Variants in NOVA1 observed in about 807,000 individuals in gnomAD.
The protein encoded by NOVA1 is NOVA alternative splicing regulator 1.
A neutral mutation model predicts 38.0 loss-of-function variants in NOVA1; 7 were observed. The ratio of observed to expected loss-of-function variants is 0.18; its 90% confidence interval spans 0.10 to 0.35. NOVA1 has a LOEUF of 0.35. Among genes scored for constraint, NOVA1 ranks in the 10% least tolerant of loss-of-function variants. The pLI, the probability that NOVA1 is intolerant of heterozygous loss-of-function variation, is 1.00. For synonymous variants in NOVA1, 270 were observed against 232.5 expected (o/e 1.16, Z -1.47); for missense variants, 460 against 616.0 (o/e 0.75, Z 2.68).
At chr14:26,521,130 T>G (rs1474838290) in intron 2 of NOVA1, among the ~76,000 whole-genome samples, 27 of 151,936 alleles carry the variant, frequency 1.8e-4, no homozygotes, top group Non-Finnish European at 1.5e-5. Context: ...AATTTGAAAA[T>G]CAATGCTCAT....
At chr14:26,536,007 T>C (rs1269154869) in intron 2 of NOVA1, among the ~76,000 whole-genome samples, 1 of 150,994 alleles carries the variant, frequency 6.6e-6, no homozygotes, top group Non-Finnish European at 1.5e-5. Flanking sequence ...GTGGTACATA[T>C]ACACAATGGA....
At chr14:26,532,985 T>C (rs771440112) in intron 2 of NOVA1, among the ~76,000 whole-genome samples, 8 of 152,224 alleles carry the variant, frequency 5.3e-5, no homozygotes, top group Non-Finnish European at 7.4e-5. Context: ...ATATTGTCTA[T>C]AATAGATAAC....
Position 26,560,590 on chromosome 14 carries a change from G to A in NOVA1, c.280+34820C>T, listed in dbSNP as rs59669834. On this transcript the variant is annotated intron_variant, in intron 2 of 4. Coordinates refer to ENST00000539517, the MANE Select transcript of NOVA1 (RefSeq NM_002515.3). ...TTGTATAAAATTCTATTAGCCTAAC[G>A]TGGTAGTTGTAAGGACAGACTTTGG... 9.8e-3 allele frequency among the ~76,000 whole-genome samples: 1,493 copies of A among 152,186 alleles called. 18 individuals are homozygous for A. The highest frequency in any genetic ancestry group is 0.033 in the African/African-American group (1,358 of 41,540).
intron 2 of NOVA1, among the ~76,000 whole-genome samples, chr14:26,563,764 G>A (rs1385414507): frequency 1.3e-5 from 2 of 152,024 alleles, no homozygotes; most frequent in Non-Finnish European, 1.5e-5. Context: ...GCAAGCATTG[G>A]ATTCAGGAAA....
At chr14:26,474,388 T>G (rs541358572) in intron 3 of NOVA1, among the ~76,000 whole-genome samples, 1 of 152,058 alleles carries the variant, frequency 6.6e-6, no homozygotes, top group Non-Finnish European at 1.5e-5. Flanking sequence ...AAGAACCATG[T>G]AGAAAAAGTT....
At chr14:26,451,616 G>A (rs979043827) in intron 4 of NOVA1, among the ~76,000 whole-genome samples, 3 of 152,012 alleles carry the variant, frequency 2.0e-5, no homozygotes, top group Admixed American at 2.0e-4. Flanking sequence ...CAGGTGATCC[G>A]CCTGCCTCGG....
At chr14:26,499,620 T>C (rs574183013) in intron 2 of NOVA1, among the ~76,000 whole-genome samples, 33 of 152,202 alleles carry the variant, frequency 2.2e-4, no homozygotes, top group African/African-American at 7.7e-4. Context: ...AAAATATATA[T>C]GGACTTTAAG....
rs1594371783 is a variant in NOVA1 at position 26,481,519 on chromosome 14, A to T, written c.281-1376T>A. On this transcript the variant is annotated intron_variant, in intron 2 of 4. Transcript: ENST00000539517. ...GGAATTAGAAGCAGAAATAAAAGAA[A>T]AACTTAGAGATATACCTAAATAAAA... Among the ~76,000 whole-genome samples, 4 of 152,214 alleles carry T rather than the reference A, an allele frequency of 2.6e-5. No individual in the cohort carries two copies. In the South Asian group the frequency reaches 8.3e-4, roughly 32 times the overall value.
At chr14:26,534,409 T>C (rs1000677956) in intron 2 of NOVA1, among the ~76,000 whole-genome samples, 2 of 152,024 alleles carry the variant, frequency 1.3e-5, no homozygotes, top group African/African-American at 2.4e-5. Context: ...ACAGAAAATA[T>C]CATGAAGGAA....
intron 2 of NOVA1, among the ~76,000 whole-genome samples, chr14:26,513,981 A>G (rs182723973): frequency 7.6e-4 from 116 of 151,856 alleles, no homozygotes; most frequent in African/African-American, 2.6e-3. Context: ...CTTTTAGCCA[A>G]GTTATTTTAA....
intron 2 of NOVA1, among the ~76,000 whole-genome samples, chr14:26,572,158 T>G (rs751014693): frequency 6.6e-6 from 1 of 152,158 alleles, no homozygotes; most frequent in Non-Finnish European, 1.5e-5. Flanking sequence ...AGAGTCTATA[T>G]AAAGTACAGT....
chr14:26,505,875 T>G (rs1320435433), intron 2 of NOVA1, among the ~76,000 whole-genome samples: 1 of 152,154 alleles, frequency 6.6e-6, no homozygotes, highest in Non-Finnish European at 1.5e-5. Context: ...ATTTTGTAAT[T>G]TACAACCCAT....
intron 4 of NOVA1, chr14:26,470,575 A>G: frequency 1.0e-6 from 1 of 992,230 alleles, no homozygotes; most frequent in Non-Finnish European, 1.6e-6. Context: ...CAAATGACTT[A>G]TTATTTCAAA....
chr14:26,575,443 T>C lies in NOVA1; in HGVS notation c.280+19967A>G, dbSNP rs566988722. ...ACTAAGGGATGATTTAAGAAATAAC[T>C]ATGTAATTAATAACCACGAAAAATA... On this transcript the variant is annotated intron_variant, in intron 2 of 4. Transcript: ENST00000539517. 6.6e-5 allele frequency among the ~76,000 whole-genome samples: 10 copies of C among 152,274 alleles called. No homozygotes were observed. The East Asian group carries it at 9.6e-4, about 15-fold the overall frequency.
At chr14:26,491,288 G>A (rs1026127055) in intron 2 of NOVA1, among the ~76,000 whole-genome samples, 4 of 152,140 alleles carry the variant, frequency 2.6e-5, no homozygotes, top group Non-Finnish European at 1.5e-5. Context: ...TTACAGGCAT[G>A]AGCCACTGGG....
chr14:26,528,772 T>C (rs1889479628), intron 2 of NOVA1, among the ~76,000 whole-genome samples: 1 of 152,212 alleles, frequency 6.6e-6, no homozygotes, highest in African/African-American at 2.4e-5. Flanking sequence ...TATGATTCCC[T>C]TTAGCCGAAT....
intron 3 of NOVA1, among the ~76,000 whole-genome samples, chr14:26,478,525 C>A (rs940435822): frequency 7.2e-5 from 11 of 151,912 alleles, no homozygotes; most frequent in African/African-American, 2.7e-4. Context: ...AAACTCTTAG[C>A]CCCAGGTGAT....
At chr14:26,459,324 A>G (rs1883462427) in intron 4 of NOVA1, among the ~76,000 whole-genome samples, 1 of 152,076 alleles carries the variant, frequency 6.6e-6, no homozygotes, top group Admixed American at 6.6e-5. Context: ...ACATTGTGTT[A>G]CAACTGCCTA....
chr14:26,584,837 G>A (rs1594582464), intron 2 of NOVA1, among the ~76,000 whole-genome samples: 2 of 151,462 alleles, frequency 1.3e-5, no homozygotes, highest in Non-Finnish European at 3.0e-5. Context: ...TCAACTTCTA[G>A]ATATAATTCT....
Sources: gnomAD v4.1 joint callset for allele counts (sites outside exome capture counted in the v4.1 genomes callset) on GRCh38, gnomAD v4.1.1 for gene constraint, MANE v1.5 for transcripts, NCBI Gene and HGNC (gene_info 2026-07-23, HGNC 2026-07-21) for gene names.